RNLS: variants seen among roughly 807,000 people sequenced by gnomAD.
The protein encoded by RNLS is renalase, FAD dependent amine oxidase.
Under a neutral mutation model 39.8 loss-of-function variants are expected in RNLS, and 39 were observed. That is an observed-to-expected ratio of 0.98 (90% CI 0.76 to 1.28). The LOEUF is 1.28. Among genes scored for constraint, RNLS ranks in the 50% most tolerant of loss-of-function variants. The pLI is 0.00. For missense variants in RNLS, 410 were observed against 413.3 expected (o/e 0.99, Z 0.07); for synonymous variants, 147 against 150.7 (o/e 0.98, Z 0.18).
the RNLS span, among the ~76,000 whole-genome samples, chr10:88,223,515 TGC>T: frequency 1.3e-5 from 2 of 152,234 alleles, no homozygotes; most frequent in African/African-American, 4.8e-5. Flanking sequence ...TTCATGTTGC[TGC>T]CAAATAAAAC....
At chr10:88,550,904 G>A (rs1425552609) in intron 4 of RNLS, among the ~76,000 whole-genome samples, 1 of 152,196 alleles carries the variant, frequency 6.6e-6, no homozygotes, top group Non-Finnish European at 1.5e-5. Context: ...AGTCCAGATA[G>A]ATTGGCATTT....
chr10:88,369,576 AG>A (rs1212962461), intron 4 of RNLS, among the ~76,000 whole-genome samples: 1 of 152,114 alleles, frequency 6.6e-6, no homozygotes, highest in Non-Finnish European at 1.5e-5. Context: ...TCACCCATTT[AG>A]GCCTAGGAGT....
At chr10:88,509,752 C>T (rs1846000355) in intron 4 of RNLS, among the ~76,000 whole-genome samples, 1 of 151,930 alleles carries the variant, frequency 6.6e-6, no homozygotes, top group Admixed American at 6.6e-5. Context: ...AGAAGGAAGG[C>T]TTAAATAGTA....
chr10:88,394,953 A>C (rs1441476902), intron 4 of RNLS, among the ~76,000 whole-genome samples: 1 of 152,090 alleles, frequency 6.6e-6, no homozygotes, highest in Admixed American at 6.6e-5. Flanking sequence ...ACAAAAAACC[A>C]AACACCGCAT....
chr10:88,582,348 T>C, intron 1 of RNLS, 41 bp from the exon 2 acceptor site: 1 of 1,522,968 alleles, frequency 6.6e-7, no homozygotes, highest in East Asian at 2.3e-5. Context: ...TGCATGACAA[T>C]GAGCCTTAGC....
At chr10:88,370,082 C>T (rs774016629) in intron 4 of RNLS, among the ~76,000 whole-genome samples, 1 of 152,164 alleles carries the variant, frequency 6.6e-6, no homozygotes, top group Non-Finnish European at 1.5e-5. Flanking sequence ...CATCTAGCTT[C>T]TTCTAGGAAA....
the RNLS span, among the ~76,000 whole-genome samples, chr10:88,224,226 G>A: frequency 6.6e-6 from 1 of 152,176 alleles, no homozygotes; most frequent in South Asian, 2.1e-4. Flanking sequence ...TCAGTGTCTG[G>A]TGAGGGCTCT....
intron 4 of RNLS, among the ~76,000 whole-genome samples, chr10:88,566,504 G>A (rs1849509839): frequency 6.6e-6 from 1 of 152,022 alleles, no homozygotes; most frequent in Non-Finnish European, 1.5e-5. Flanking sequence ...GAAATGAGCT[G>A]ATGAAAAATA....
intron 4 of RNLS, among the ~76,000 whole-genome samples, chr10:88,521,277 T>C (rs910055056): frequency 6.6e-6 from 1 of 152,086 alleles, no homozygotes; most frequent in Non-Finnish European, 1.5e-5. Flanking sequence ...TGATAAAGAC[T>C]ATGCTTTGAC....
the RNLS span, among the ~76,000 whole-genome samples, chr10:88,191,414 CAAATA>C: frequency 6.6e-6 from 1 of 151,768 alleles, no homozygotes; most frequent in Non-Finnish European, 1.5e-5. Context: ...TTTTCATTGA[CAAATA>C]AAAATTATAC....
the RNLS span, among the ~76,000 whole-genome samples, chr10:88,228,180 AC>A: frequency 1.3e-5 from 2 of 152,122 alleles, no homozygotes; most frequent in Non-Finnish European, 2.9e-5. Context: ...AAAAACAAAA[AC>A]AAAACTCTTT....
the RNLS span, among the ~76,000 whole-genome samples, chr10:88,172,496 A>T: frequency 4.6e-5 from 7 of 152,120 alleles, no homozygotes; most frequent in Non-Finnish European, 5.9e-5. Flanking sequence ...AGGTCTATTC[A>T]GATCCTTTCT....
At chr10:88,507,237 T>A (rs554458976) in intron 4 of RNLS, among the ~76,000 whole-genome samples, 165 of 152,090 alleles carry the variant, frequency 1.1e-3, no homozygotes, top group African/African-American at 3.4e-3. Context: ...GTGAATGTCA[T>A]CTGAGGGCAC....
intron 6 of RNLS, among the ~76,000 whole-genome samples, chr10:88,290,930 C>A (rs560987566): frequency 6.6e-6 from 1 of 152,172 alleles, no homozygotes. Context: ...GGTTTTCAGA[C>A]AGCAACTAGA....
intron 4 of RNLS, among the ~76,000 whole-genome samples, chr10:88,387,351 G>C (rs2133557156): frequency 6.6e-6 from 1 of 152,260 alleles, no homozygotes; most frequent in Non-Finnish European, 1.5e-5. Context: ...GCTTACATCT[G>C]ATTGGCTTTC....
intron 6 of RNLS, among the ~76,000 whole-genome samples, chr10:88,286,581 C>T (rs1199724145): frequency 1.3e-5 from 2 of 151,962 alleles, no homozygotes; most frequent in Admixed American, 6.6e-5. Context: ...CTTCACTGTA[C>T]AACTTCAGGG....
At chr10:88,446,832 A>T (rs184193039) in intron 4 of RNLS, among the ~76,000 whole-genome samples, 145 of 152,344 alleles carry the variant, frequency 9.5e-4, no homozygotes, top group African/African-American at 3.4e-3. Flanking sequence ...AGTGGGCTTC[A>T]CCCCTGAGAT....
intron 4 of RNLS, among the ~76,000 whole-genome samples, chr10:88,479,116 T>C (rs1200830908): frequency 1.3e-5 from 2 of 152,216 alleles, no homozygotes; most frequent in Non-Finnish European, 2.9e-5. Context: ...ACATTAAATA[T>C]GTTTCAGTCT....
intron 6 of RNLS, among the ~76,000 whole-genome samples, chr10:88,294,661 C>A (rs986325670): frequency 2.0e-5 from 3 of 152,052 alleles, no homozygotes; most frequent in Non-Finnish European, 4.4e-5. Context: ...TGTTTAAAAG[C>A]CTTTTGAGTC....
Sources: gnomAD v4.1 joint callset for allele counts (sites outside exome capture counted in the v4.1 genomes callset) on GRCh38, gnomAD v4.1.1 for gene constraint, MANE v1.5 for transcripts, NCBI Gene and HGNC (gene_info 2026-07-23, HGNC 2026-07-21) for gene names.